Variants in CACNA1H observed in about 807,000 individuals in gnomAD.
CACNA1H encodes calcium voltage-gated channel subunit alpha1 H, also known as voltage-dependent T-type calcium channel subunit alpha-1H.
CACNA1H carries 149 observed loss-of-function variants against 192.5 expected under a neutral mutation model. The ratio of observed to expected loss-of-function variants is 0.77; its 90% CI spans 0.68 to 0.89. The LOEUF is 0.89. Ranked by LOEUF, CACNA1H falls within the 40% of genes least tolerant of loss-of-function variation. The pLI is 0.00. For synonymous variants in CACNA1H, 2,202 were observed against 1,475.2 expected, an observed-to-expected ratio of 1.49 and a Z score of -11.29; for missense variants, 4,257 against 3,423.5, an observed-to-expected ratio of 1.24 and a Z score of -6.08.
chr16:1,190,853 G>A (rs951465944), intron 2 of CACNA1H, among the ~76,000 whole-genome samples: 8 of 151,430 alleles, frequency 5.3e-5, no homozygotes, highest in Admixed American at 6.6e-5. Context: ...CTGGCTGTGT[G>A]GCCTCAGGCA....
At chr16:1,205,658 C>T (rs1319050171) in intron 11 of CACNA1H, among the ~76,000 whole-genome samples, 1 of 152,304 alleles carries the variant, frequency 6.6e-6, no homozygotes, top group African/African-American at 2.4e-5. Context: ...GAAAATTAAA[C>T]CAGAAAGGAT....
At chr16:1,177,508 C>G (rs1006951407) in intron 2 of CACNA1H, among the ~76,000 whole-genome samples, 48 of 152,144 alleles carry the variant, frequency 3.2e-4, no homozygotes, top group African/African-American at 1.0e-3. Context: ...GAATTCTGAC[C>G]GGGGCAGAGA....
At chr16:1,200,195 C>T in intron 6 of CACNA1H, 61 bp from the exon 7 acceptor site, 10 of 1,393,050 alleles carry the variant, frequency 7.2e-6, no homozygotes, top group South Asian at 6.5e-5. Flanking sequence ...AATCGTGCCC[C>T]CGACTCTGAC....
chr16:1,185,206 A>G (rs56323808), intron 2 of CACNA1H, among the ~76,000 whole-genome samples: 3,505 of 152,204 alleles, frequency 0.023, 64 homozygotes, highest in Middle Eastern at 0.078. Flanking sequence ...TGGCTGAGTA[A>G]TATTCCAGCG....
rs1448208424 is a variant in CACNA1H, at chr16:1,153,221, C to T, written c.-268C>T. On this transcript the variant is annotated 5_prime_UTR_variant, in exon 1 of 35. Transcript: ENST00000348261. ...CGCGCCCCGGCCTCACCCGTCCGCT[C>T]AGCGGCCTCCACGCCGCGCCGAGGC... 6.9e-6 allele frequency: 1 copy of T among 145,722 alleles called. No homozygotes were observed. The highest frequency in any genetic ancestry group is 2.5e-5 in the African/African-American group (1 of 40,530). The allele number at this position is 145,722 out of a possible 1,614,324, so 9.0% of individuals were successfully genotyped here.
intron 2 of CACNA1H, among the ~76,000 whole-genome samples, chr16:1,163,970 G>A (rs1012142477): frequency 6.6e-6 from 1 of 152,246 alleles, no homozygotes; most frequent in Non-Finnish European, 1.5e-5. Flanking sequence ...GGGAGAGGCC[G>A]TGTCTGGCTC....
In CACNA1H at chr16:1,203,120, C is replaced by T. The variant is rs1428913927; in HGVS notation, c.2002+668C>T. Among the ~76,000 whole-genome samples, 8 of 152,078 alleles carry T rather than the reference C, an allele frequency of 5.3e-5. No homozygotes were observed. In the East Asian group the frequency reaches 5.8e-4, roughly 11 times the overall value. The stretch of plus-strand genomic sequence containing the variant: ...GTGCGAGCGAGGGTGCCGAGGGTGC[C>T]GGGATGCTGTGTGCCCTCATGCGCT... On this transcript the variant is annotated intron_variant, in intron 9 of 34. Transcript: ENST00000348261.
Position 1,180,575 on chromosome 16 carries a change from G to A in CACNA1H, c.300-14397G>A. Among the ~76,000 whole-genome samples the A allele has an allele frequency of 6.6e-6, 1 of 152,122 alleles. No homozygotes were observed. Among genetic ancestry groups the A allele is most frequent in the East Asian group, 1.9e-4 (1 of 5,172 alleles). ...GGGGCTGCAGTCACAGCCAGGCCGT[G>A]GGGGGGCCAGGGAGGAGGGGCTGCT... On this transcript the variant is annotated intron_variant, in intron 2 of 34. Transcript: ENST00000348261. This position sits in a 1 kb window ranked among gnomAD's most constrained non-coding sequence, Gnocchi z 4.4.
Position 1,220,009 on chromosome 16 carries a change from G to A in CACNA1H, c.6077G>A (p.Gly2026Glu), listed in dbSNP as rs61577678. 2 of 1,355,178 alleles carry A rather than the reference G, an allele frequency of 1.5e-6. No individual in the cohort carries two copies. Among genetic ancestry groups the A allele is most frequent in the South Asian group, 4.6e-5 (2 of 43,854 alleles). 83.9% of individuals were successfully genotyped at this position (1,355,178 alleles called of 1,614,324 possible). A position where few individuals can be genotyped will look rare whatever the true frequency, so the allele number is the denominator to read the frequency against. ...QEAVHTDSLE[G>E]KIDSPRDTLD... ...GCTGTGCACACCGATTCCTTGGAAGGGAAGATTGACAGCCCTAGGGACACC... is the reference window on the plus strand; with the variant it reads ...GCTGTGCACACCGATTCCTTGGAAGAGAAGATTGACAGCCCTAGGGACACC... Residue 2026 changes from glycine (G) to glutamate (E), a missense_variant, in exon 35 of 35, where the codon GGG (glycine) becomes GAG (glutamate). Gly to Glu is a moderately conservative substitution (Grantham distance 98). Coordinates refer to ENST00000348261, the MANE Select transcript of CACNA1H (RefSeq NM_021098.3).
At chr16:1,208,546 G>A (rs375044063) in intron 16 of CACNA1H, among the ~76,000 whole-genome samples, 5 of 152,156 alleles carry the variant, frequency 3.3e-5, no homozygotes, top group Admixed American at 6.5e-5. Context: ...CGGGGGTTCC[G>A]CTGCCACCAG....
chr16:1,219,936 C>G, intron 34 of CACNA1H, 45 bp from the exon 35 acceptor site: 2 of 1,259,226 alleles, frequency 1.6e-6, no homozygotes, highest in Non-Finnish European at 2.0e-6. Flanking sequence ...ACTGACAGGG[C>G]TCTCCCAGGG....
chr16:1,209,915 G>A (rs1853290918), intron 17 of CACNA1H, 120 bp from the exon 18 acceptor site: 2 of 736,508 alleles, frequency 2.7e-6, no homozygotes, highest in Admixed American at 2.6e-5. Flanking sequence ...CGGGTGAGGA[G>A]TGAGGATGGA....
intron 17 of CACNA1H, among the ~76,000 whole-genome samples, chr16:1,209,694 C>T (rs528568512): frequency 6.6e-6 from 1 of 152,174 alleles, no homozygotes; most frequent in African/African-American, 2.4e-5. Flanking sequence ...AGCCACTGGC[C>T]GAGAGCTGCT....
In CACNA1H at chr16:1,208,363, G is replaced by C. The variant is rs956708610; in HGVS notation, c.3363+142G>C. Reference sequence around the variant, plus strand: ...GCCTGTGCAGAGACTGAGAAAGAGTGTTCTGGTTTCCGGAAATGGAAGCTG... The same window carrying C: ...GCCTGTGCAGAGACTGAGAAAGAGTCTTCTGGTTTCCGGAAATGGAAGCTG... On this transcript the variant is annotated intron_variant, in intron 16 of 34. Transcript: ENST00000348261. 1.0e-5 allele frequency: 7 copies of C among 689,612 alleles called. No individual in the cohort carries two copies. In the Admixed American group the frequency reaches 1.4e-4, roughly 14 times the overall value. 42.7% of individuals were successfully genotyped at this position (689,612 alleles called of 1,614,324 possible).
chr16:1,218,073 C>T, intron 32 of CACNA1H, 33 bp downstream of exon 32: 1 of 1,586,552 alleles, frequency 6.3e-7, no homozygotes, highest in Non-Finnish European at 8.6e-7. Flanking sequence ...TGGCACCTGG[C>T]AGCCCCAGCG....
At position 1,209,025 on chromosome 16, in the gene CACNA1H, C is replaced by A; in HGVS notation, c.3364-7C>A. The A allele has an allele frequency of 6.7e-7, 1 of 1,491,012 alleles. No homozygotes were observed. Among genetic ancestry groups the A allele is most frequent in the Non-Finnish European group, 8.9e-7 (1 of 1,128,720 alleles). The allele number at this position is 1,491,012 out of a possible 1,614,324, so 92.4% of individuals were successfully genotyped here. On this transcript the variant is annotated splice_region_variant and splice_polypyrimidine_tract_variant and intron_variant, in intron 16 of 34. Transcript: ENST00000348261. ...CCACCAGGTCACTGACTCCCGCCAC[C>A]CCCCAGGCCAGCCTCCGAAGTTCTC...
Position 1,206,339 on chromosome 16 carries a change from C to G in CACNA1H, c.2789+50C>G, listed in dbSNP as rs1424565096. The G allele has an allele frequency of 3.3e-6, 5 of 1,519,846 alleles. 1 individual carries two copies. The South Asian group carries it at 6.1e-5, about 18-fold the overall frequency. 94.1% of individuals were successfully genotyped at this position (1,519,846 alleles called of 1,614,324 possible). A position where few individuals can be genotyped will look rare whatever the true frequency, so the allele number is the denominator to read the frequency against. On this transcript the variant is annotated intron_variant, in intron 12 of 34. Coordinates refer to ENST00000348261, the MANE Select transcript of CACNA1H (RefSeq NM_021098.3). ...CGCCCAGTGTCTCACCCCAGGGCAG[C>G]TGGGAGGCAAAGGCCCAGGGCACCC... is the stretch of plus-strand genomic sequence containing the variant.
At chr16:1,219,241 G>T (rs1029023160) in intron 34 of CACNA1H, 111 bp downstream of exon 34, 1 of 1,107,852 alleles carries the variant, frequency 9.0e-7, no homozygotes, top group African/African-American at 1.6e-5. Context: ...GAGGAGGGTC[G>T]CACTGGGTCC....
intron 28 of CACNA1H, 34 bp downstream of exon 28, chr16:1,215,115 G>GC: frequency 6.3e-7 from 1 of 1,592,508 alleles, no homozygotes; most frequent in African/African-American, 1.3e-5. Context: ...GGTTCTGGGG[G>GC]CCCCTCAGGG....
Sources: allele counts gnomAD v4.1 joint callset (sites outside exome capture counted in the v4.1 genomes callset), GRCh38; gene constraint gnomAD v4.1.1; non-coding constraint Gnocchi (gnomAD v3.1); transcripts MANE v1.5; gene names NCBI Gene and HGNC (gene_info 2026-07-23, HGNC 2026-07-21).